Variants in KAT2B observed in about 807,000 individuals in gnomAD.
KAT2B encodes the protein histone acetyltransferase KAT2B.
In KAT2B, 36 loss-of-function variants were observed where a neutral mutation model predicts 105.9. That is an observed-to-expected ratio of 0.34 (90% confidence interval 0.26 to 0.45). The LOEUF is 0.45. Among genes scored for constraint, KAT2B ranks in the 20% least tolerant of loss-of-function variants. The probability of loss-of-function intolerance (pLI) is 1.00; values close to 1 mark genes in which losing one functional copy is unlikely to be tolerated. For missense variants in KAT2B, 820 were observed against 1,021.6 expected (o/e 0.80, Z 2.69); for synonymous variants, 397 against 377.9 (o/e 1.05, Z -0.59).
intron 17 of KAT2B, among the ~76,000 whole-genome samples, chr3:20,150,481 A>T (rs3828352): frequency 0.17 from 25,281 of 152,166 alleles, 2,559 homozygotes; most frequent in Middle Eastern, 0.24. Flanking sequence ...CCCAAGCATG[A>T]CTTCTTGTTA....
chr3:20,102,274 C>A (rs1698924093), intron 5 of KAT2B, among the ~76,000 whole-genome samples: 1 of 152,060 alleles, frequency 6.6e-6, no homozygotes, highest in Non-Finnish European at 1.5e-5. Context: ...TGAGATCGTG[C>A]ACTCTGGGCA....
intron 1 of KAT2B, among the ~76,000 whole-genome samples, chr3:20,071,015 A>C (rs1284749248): frequency 7.5e-6 from 1 of 132,846 alleles, no homozygotes; most frequent in Non-Finnish European, 1.6e-5. Context: ...TATATAAAAA[A>C]AAAAAAACCA....
At chr3:20,147,596 CAG>C (rs1290862473) in intron 14 of KAT2B, among the ~76,000 whole-genome samples, 4 of 152,182 alleles carry the variant, frequency 2.6e-5, no homozygotes, top group Admixed American at 2.6e-4. Flanking sequence ...GAGACCAGGA[CAG>C]AGTTTGTTCT....
chr3:20,151,968 C>T (rs1189569797), intron 17 of KAT2B, among the ~76,000 whole-genome samples: 2 of 152,114 alleles, frequency 1.3e-5, no homozygotes, highest in Non-Finnish European at 2.9e-5. Context: ...TGCTCTACTC[C>T]ATATAGATAG....
chr3:20,085,511 CTTTT>C (rs11346744), intron 2 of KAT2B, among the ~76,000 whole-genome samples: 3 of 137,634 alleles, frequency 2.2e-5, no homozygotes, highest in Non-Finnish European at 3.1e-5. Flanking sequence ...TTCTTTCTTT[CTTTT>C]TTTTTTTTTT....
Position 20,081,067 on chromosome 3 carries a change from C to T in KAT2B, c.430+8608C>T, listed in dbSNP as rs1224249068. On this transcript the variant is annotated intron_variant, in intron 2 of 17. Coordinates refer to ENST00000263754, the MANE Select transcript of KAT2B (RefSeq NM_003884.5). ...AATGAAACCACTTTTAAATGATAAGCCTTTTGCACATTAGTCAATTTGACA... is the reference window on the plus strand; with the variant it reads ...AATGAAACCACTTTTAAATGATAAGTCTTTTGCACATTAGTCAATTTGACA... 2.0e-5 allele frequency among the ~76,000 whole-genome samples: 3 copies of T among 152,074 alleles called. 1 individual carries two copies. The highest frequency in any genetic ancestry group is 4.1e-4 in the South Asian group (2 of 4,824).
At chr3:20,058,106 C>T (rs1386401608) in intron 1 of KAT2B, among the ~76,000 whole-genome samples, 1 of 152,108 alleles carries the variant, frequency 6.6e-6, no homozygotes, top group Non-Finnish European at 1.5e-5. Flanking sequence ...CTTGACCACT[C>T]TTTAATATTT....
At chr3:20,094,254 GGA>G (rs1241402771) in intron 2 of KAT2B, among the ~76,000 whole-genome samples, 1 of 152,070 alleles carries the variant, frequency 6.6e-6, no homozygotes, top group Admixed American at 6.6e-5. Flanking sequence ...CATGGCAGCA[GGA>G]GAGAGAGAGC....
intron 2 of KAT2B, among the ~76,000 whole-genome samples, chr3:20,086,592 C>A (rs1217151575): frequency 6.6e-6 from 1 of 152,082 alleles, no homozygotes; most frequent in Admixed American, 6.6e-5. Flanking sequence ...CCAAGGGAGA[C>A]CCTGTCTTGA....
rs1407398623 is a variant in KAT2B, at chr3:20,040,759, C to T, written c.282C>T (p.Leu94=). 2 of 1,593,700 alleles carry T rather than the reference C, an allele frequency of 1.3e-6. No homozygotes were observed. The highest frequency in any genetic ancestry group is 1.7e-6 in the Non-Finnish European group (2 of 1,172,898). The change falls in exon 1 of 18, where the codon CTC becomes CTT. Residue 94 remains leucine (L), a synonymous_variant. Coordinates refer to ENST00000263754, the MANE Select transcript of KAT2B (RefSeq NM_003884.5). ...SAPRAKKLEK[L]GVYSACKAEE... is the part of the protein sequence containing the mutation. ...CGCGGGCCAAGAAACTGGAGAAACT[C>T]GGAGTGTACTCCGCCTGCAAGGTAC...
At chr3:20,052,264 T>C (rs574503667) in intron 1 of KAT2B, among the ~76,000 whole-genome samples, 1 of 152,354 alleles carries the variant, frequency 6.6e-6, no homozygotes, top group Non-Finnish European at 1.5e-5. Context: ...ACTGCACTTC[T>C]TAATATTTGG....
At chr3:20,064,109 G>C (rs970172827) in intron 1 of KAT2B, among the ~76,000 whole-genome samples, 4 of 152,158 alleles carry the variant, frequency 2.6e-5, no homozygotes, top group Non-Finnish European at 4.4e-5. Flanking sequence ...CAAGGTGGTT[G>C]TACCTTGTTA....
intron 2 of KAT2B, among the ~76,000 whole-genome samples, chr3:20,078,343 A>G (rs942203734): frequency 6.6e-6 from 1 of 152,142 alleles, no homozygotes; most frequent in Non-Finnish European, 1.5e-5. Context: ...AAATTTGTCT[A>G]GTAATAATAT....
intron 13 of KAT2B, among the ~76,000 whole-genome samples, chr3:20,141,621 A>T (rs1240173965): frequency 6.6e-6 from 1 of 151,892 alleles, no homozygotes; most frequent in Non-Finnish European, 1.5e-5. Flanking sequence ...GTTTCTACTA[A>T]CCTCCTTAAT....
chr3:20,144,294 T>C (rs1020241963), intron 13 of KAT2B, among the ~76,000 whole-genome samples: 4 of 90,500 alleles, frequency 4.4e-5, no homozygotes, highest in Non-Finnish European at 8.9e-5. Flanking sequence ...TTTTTTTTTT[T>C]TTTTTTTTTT....
chr3:20,130,754 A>G (rs1699494971), intron 11 of KAT2B, among the ~76,000 whole-genome samples: 1 of 152,226 alleles, frequency 6.6e-6, no homozygotes, highest in Non-Finnish European at 1.5e-5. Flanking sequence ...AGGAAGAACA[A>G]GAAAAGCAAT....
In KAT2B at chr3:20,106,438, T is replaced by TACACACAC. The variant is rs10554524; in HGVS notation, c.851+4990_851+4997dup. 4.7e-3 allele frequency among the ~76,000 whole-genome samples: 689 copies of TACACACAC among 145,710 alleles called. 3 individuals carry two copies. The highest frequency in any genetic ancestry group is 0.014 in the African/African-American group (567 of 40,564). The stretch of plus-strand genomic sequence containing the variant: ...CAATTTATTAAAACAACACCAGAAG[T>TACACACAC]ACACACACACACACACACACACACA... On this transcript the variant is annotated intron_variant, in intron 5 of 17. Transcript: ENST00000263754.
chr3:20,044,165 T>C (rs1697765927), intron 1 of KAT2B, among the ~76,000 whole-genome samples: 1 of 151,856 alleles, frequency 6.6e-6, no homozygotes, highest in Non-Finnish European at 1.5e-5. Flanking sequence ...TTCAGAGTCA[T>C]TTTGGTTCTG....
intron 2 of KAT2B, among the ~76,000 whole-genome samples, chr3:20,082,862 A>G (rs1412067297): frequency 1.3e-5 from 2 of 152,222 alleles, no homozygotes; most frequent in African/African-American, 4.8e-5. Context: ...AGGTGGTAAG[A>G]AAAAGACTAA....
Sources: allele counts gnomAD v4.1 joint callset (sites outside exome capture counted in the v4.1 genomes callset), GRCh38; gene constraint gnomAD v4.1.1; transcripts MANE v1.5; gene names NCBI Gene and HGNC (gene_info 2026-07-23, HGNC 2026-07-21).